Variants in UEVLD observed in about 807,000 individuals in gnomAD.
The protein encoded by UEVLD is ubiquitin-conjugating enzyme E2 variant 3.
UEVLD carries 47 observed loss-of-function variants against 58.6 expected under a neutral mutation model. The observed-to-expected ratio is 0.80, with a 90% CI of 0.63 to 1.02. The LOEUF is 1.02. Ranked by LOEUF, UEVLD falls within the 50% of genes least tolerant of loss-of-function variation. The probability of loss-of-function intolerance (pLI) is 0.00; values close to 1 mark genes in which losing one functional copy is unlikely to be tolerated. For synonymous variants in UEVLD, 197 were observed against 195.3 expected (o/e 1.01, Z -0.07); for missense variants, 510 against 550.6 (o/e 0.93, Z 0.74).
intron 7 of UEVLD, among the ~76,000 whole-genome samples, chr11:18,547,768 G>C (rs1007216557): frequency 2.0e-5 from 3 of 152,120 alleles, no homozygotes; most frequent in Non-Finnish European, 4.4e-5. Flanking sequence ...TCAGGGAGGA[G>C]TGGAAATAAG....
chr11:18,538,302 G>A lies in UEVLD; in HGVS notation c.1061-1833C>T, dbSNP rs118050091. ...ATTCTTTTTTTTTTTTTTTGGAGAC[G>A]GAGTCTCACTGTGACCCAGGATGGA... On this transcript the variant is annotated intron_variant, in intron 9 of 11. Transcript: ENST00000396197. 2.1e-3 allele frequency among the ~76,000 whole-genome samples: 312 copies of A among 145,798 alleles called. 6 individuals carry two copies. In the East Asian group the frequency reaches 0.049, roughly 23 times the overall value.
At chr11:18,567,032 CTT>C (rs1296877069) in intron 4 of UEVLD, among the ~76,000 whole-genome samples, 2 of 152,056 alleles carry the variant, frequency 1.3e-5, no homozygotes, top group Admixed American at 1.3e-4. Context: ...CTTGTTTAGT[CTT>C]TCTCTCTCTA....
chr11:18,540,941 T>C (rs1851029125), intron 9 of UEVLD, among the ~76,000 whole-genome samples: 2 of 152,238 alleles, frequency 1.3e-5, no homozygotes, highest in Non-Finnish European at 2.9e-5. Flanking sequence ...AATAAATGTT[T>C]CTGAAAATAA....
intron 6 of UEVLD, among the ~76,000 whole-genome samples, chr11:18,560,337 G>A (rs924346355): frequency 6.6e-6 from 1 of 152,022 alleles, no homozygotes; most frequent in Non-Finnish European, 1.5e-5. Context: ...AGAAAACTAT[G>A]AGTTACCATT....
chr11:18,586,967 G>C (rs2134084613), intron 1 of UEVLD, among the ~76,000 whole-genome samples: 1 of 152,274 alleles, frequency 6.6e-6, no homozygotes. Context: ...AGGAGGCGGA[G>C]ATGGCAGTGA....
At position 18,530,132 on chromosome 11, in the gene UEVLD, TTTAA is replaced by T. The variant is rs1323658793; in HGVS notation, c.*2184_*2187del. 6 of 152,246 alleles carry T rather than the reference TTTAA, an allele frequency of 3.9e-5. No homozygotes were observed. Among genetic ancestry groups the T allele is most frequent in the Non-Finnish European group, 8.8e-5 (6 of 68,044 alleles). The allele number at this position is 152,246 out of a possible 1,614,324, so 9.4% of individuals were successfully genotyped here. On this transcript the variant is annotated 3_prime_UTR_variant, in exon 12 of 12. Transcript: ENST00000396197. ...AAAAGCATATTACATATTATCTAAC[TTTAA>T]TTAGATATCAAATATTAGAAAAGGC...
At chr11:18,554,537 C>T (rs1354525156) in intron 7 of UEVLD, among the ~76,000 whole-genome samples, 2 of 151,550 alleles carry the variant, frequency 1.3e-5, no homozygotes, top group Non-Finnish European at 2.9e-5. Context: ...GCTGGGATTA[C>T]AAGAACCCGC....
At chr11:18,583,130 G>A (rs2134073679) in intron 1 of UEVLD, among the ~76,000 whole-genome samples, 1 of 151,690 alleles carries the variant, frequency 6.6e-6, no homozygotes, top group African/African-American at 2.4e-5. Flanking sequence ...CACCAAGTTG[G>A]CCAGGCTGGT....
chr11:18,538,415 T>C (rs1164936360), intron 9 of UEVLD, among the ~76,000 whole-genome samples: 1 of 151,854 alleles, frequency 6.6e-6, no homozygotes, highest in Non-Finnish European at 1.5e-5. Context: ...TAGCTGGGAT[T>C]ACAGGTGTGC....
At chr11:18,582,709 C>A (rs1220337661) in intron 1 of UEVLD, among the ~76,000 whole-genome samples, 2 of 152,114 alleles carry the variant, frequency 1.3e-5, no homozygotes, top group Non-Finnish European at 2.9e-5. Context: ...GTCCTCACCA[C>A]TAAAAATTCT....
At chr11:18,576,533 T>C (rs1455882026) in intron 2 of UEVLD, among the ~76,000 whole-genome samples, 1 of 151,404 alleles carries the variant, frequency 6.6e-6, no homozygotes, top group Non-Finnish European at 1.5e-5. Flanking sequence ...CTCAGAAAAA[T>C]AAATAAATAA....
At chr11:18,560,147 A>ACACACACACACACAC (rs1463660306) in intron 6 of UEVLD, among the ~76,000 whole-genome samples, 1 of 145,206 alleles carries the variant, frequency 6.9e-6, no homozygotes, top group Non-Finnish European at 1.5e-5. Context: ...ACAGAGAGAG[A>ACACACACACACACAC]AAGAAAATAA....
intron 4 of UEVLD, among the ~76,000 whole-genome samples, chr11:18,567,710 C>T (rs1281597470): frequency 1.3e-5 from 2 of 152,130 alleles, no homozygotes; most frequent in Non-Finnish European, 2.9e-5. Flanking sequence ...CAAACCCTGG[C>T]CTAGATGACC....
intron 1 of UEVLD, among the ~76,000 whole-genome samples, chr11:18,583,349 T>G (rs1853354354): frequency 6.6e-6 from 1 of 151,154 alleles, no homozygotes; most frequent in Non-Finnish European, 1.5e-5. Context: ...GCCTCCCAAA[T>G]AGCTGGGATT....
At chr11:18,563,662 A>C (rs1417627713) in intron 6 of UEVLD, 5 of 982,680 alleles carry the variant, frequency 5.1e-6, no homozygotes, top group Non-Finnish European at 6.0e-6. Flanking sequence ...TGTTTATAGA[A>C]GCATTTATTT....
chr11:18,588,019 T>C (rs566059508), intron 1 of UEVLD, among the ~76,000 whole-genome samples: 3 of 152,208 alleles, frequency 2.0e-5, no homozygotes, highest in South Asian at 4.1e-4. Flanking sequence ...TCTGTCTTCA[T>C]CTCTAAATCT....
chr11:18,561,958 A>G (rs1328028953), intron 6 of UEVLD, among the ~76,000 whole-genome samples: 3 of 152,072 alleles, frequency 2.0e-5, no homozygotes, highest in Non-Finnish European at 2.9e-5. Flanking sequence ...AGCATTGTGT[A>G]AAGGTTAGTT....
chr11:18,532,584 T>A, intron 11 of UEVLD, 97 bp from the exon 12 acceptor site: 1 of 1,075,620 alleles, frequency 9.3e-7, no homozygotes, highest in Non-Finnish European at 1.2e-6. Context: ...TAGGACAAAG[T>A]GATACAAGTT....
chr11:18,577,729 G>A (rs1015012622), intron 2 of UEVLD, among the ~76,000 whole-genome samples: 4 of 151,880 alleles, frequency 2.6e-5, no homozygotes, highest in Admixed American at 6.6e-5. Context: ...AAAATTAGCC[G>A]GGCATGGTGG....
Sources: allele counts gnomAD v4.1 joint callset (sites outside exome capture counted in the v4.1 genomes callset), GRCh38; gene constraint gnomAD v4.1.1; transcripts MANE v1.5; gene names NCBI Gene and HGNC (gene_info 2026-07-23, HGNC 2026-07-21).